The following TMEM132D variants were observed in gnomAD, a reference collection of about 807,000 sequenced individuals.
The protein encoded by TMEM132D is transmembrane protein 132D, also known as mature OL transmembrane protein.
In TMEM132D, 21 loss-of-function variants were observed where a neutral mutation model predicts 62.3. The ratio of observed to expected loss-of-function variants is 0.34; its 90% CI spans 0.24 to 0.49. The LOEUF (loss-of-function observed/expected upper bound fraction) is 0.49, where lower values mean the gene tolerates loss of function less well. TMEM132D is among the 20% of genes least tolerant of loss of function. The pLI, the probability that TMEM132D is intolerant of heterozygous loss-of-function variation, is 0.99. For synonymous variants in TMEM132D, 621 were observed against 575.6 expected (o/e 1.08, Z -1.13); for missense variants, 1,346 against 1,402.8 (o/e 0.96, Z 0.65).
rs749348679 is a variant in TMEM132D, at chr12:129,903,570, G to A, written c.-231C>T. On this transcript the variant is annotated 5_prime_UTR_variant, in exon 1 of 9. Transcript: ENST00000422113. This position sits in a 1 kb window ranked among gnomAD's most constrained non-coding sequence, Gnocchi z 6.2. ...TCTCCGGAGTCCAACACGCGCGCAG[G>A]CAAACCCCACCTCCCTCCTTCGACC... The A allele has an allele frequency of 5.3e-6, 3 of 561,916 alleles. No homozygotes were observed. Among genetic ancestry groups the A allele is most frequent in the Non-Finnish European group, 9.5e-6 (3 of 315,824 alleles). The allele number at this position is 561,916 out of a possible 1,614,324, so 34.8% of individuals were successfully genotyped here.
chr12:129,086,497 T>C (rs1874626201), intron 5 of TMEM132D, among the ~76,000 whole-genome samples: 3 of 152,082 alleles, frequency 2.0e-5, no homozygotes, highest in South Asian at 4.1e-4. Context: ...GAATAAGTGG[T>C]GTTTGACTTT....
At chr12:129,112,240 AT>A in intron 5 of TMEM132D, among the ~76,000 whole-genome samples, 1 of 152,320 alleles carries the variant, frequency 6.6e-6, no homozygotes, top group African/African-American at 2.4e-5. Context: ...TCTGGGGTGA[AT>A]GTATGAAAAG....
At chr12:129,815,272 C>T (rs1872311527) in intron 1 of TMEM132D, among the ~76,000 whole-genome samples, 1 of 152,088 alleles carries the variant, frequency 6.6e-6, no homozygotes, top group Non-Finnish European at 1.5e-5. Context: ...AGAAAAAAAT[C>T]CAGAATGCAT....
intron 5 of TMEM132D, among the ~76,000 whole-genome samples, chr12:129,134,413 T>C (rs1205779901): frequency 6.6e-6 from 1 of 152,186 alleles, no homozygotes; most frequent in Non-Finnish European, 1.5e-5. Flanking sequence ...TGTTGTCCCC[T>C]GCTCACTTTG....
chr12:129,166,955 C>G (rs112704351), intron 5 of TMEM132D, among the ~76,000 whole-genome samples: 2 of 151,784 alleles, frequency 1.3e-5, no homozygotes, highest in Admixed American at 1.3e-4. Flanking sequence ...CTTGAGGTCA[C>G]GAGTTCGAGA....
At position 129,277,859 on chromosome 12, in the gene TMEM132D, T is replaced by C. The variant is rs918310149; in HGVS notation, c.1299+59775A>G. ...AGGATGGATCCTTAGGCTTAAGAAC[T>C]CCCTGGTTCATCTCACGGCGTCTTT... On this transcript the variant is annotated intron_variant, in intron 4 of 8. Coordinates refer to ENST00000422113, the MANE Select transcript of TMEM132D (RefSeq NM_133448.3). The surrounding 1 kb of genome is among the most constrained non-coding windows in gnomAD (Gnocchi z 4.2). 3.9e-5 allele frequency among the ~76,000 whole-genome samples: 6 copies of C among 152,132 alleles called. No homozygotes were observed. The South Asian group carries it at 1.0e-3, about 26-fold the overall frequency.
At chr12:129,699,382 A>G (rs561523712) in intron 2 of TMEM132D, among the ~76,000 whole-genome samples, 1 of 152,342 alleles carries the variant, frequency 6.6e-6, no homozygotes, top group African/African-American at 2.4e-5. Context: ...TATCTGGAAT[A>G]GATTTTGAGT....
At chr12:129,664,962 C>G (rs1340328793) in intron 2 of TMEM132D, among the ~76,000 whole-genome samples, 1 of 152,066 alleles carries the variant, frequency 6.6e-6, no homozygotes, top group Non-Finnish European at 1.5e-5. Flanking sequence ...TGCTATTATC[C>G]CTATTATGTG....
chr12:129,786,137 C>T (rs1280566734), intron 1 of TMEM132D, among the ~76,000 whole-genome samples: 2 of 152,186 alleles, frequency 1.3e-5, no homozygotes, highest in African/African-American at 4.8e-5. Flanking sequence ...ATGTCCACCA[C>T]TCCCTCTTCC....
chr12:129,800,736 T>C (rs1871743930), intron 1 of TMEM132D, among the ~76,000 whole-genome samples: 1 of 151,810 alleles, frequency 6.6e-6, no homozygotes, highest in Non-Finnish European at 1.5e-5. Flanking sequence ...TAGGAACAGC[T>C]CCGGTCTACA....
chr12:129,815,327 C>A (rs1471748564), intron 1 of TMEM132D, among the ~76,000 whole-genome samples: 1 of 152,206 alleles, frequency 6.6e-6, no homozygotes, highest in Non-Finnish European at 1.5e-5. Flanking sequence ...ACATGTGACT[C>A]TTCCAGGCAT....
At chr12:129,378,181 C>T (rs899789624) in intron 3 of TMEM132D, among the ~76,000 whole-genome samples, 1 of 152,218 alleles carries the variant, frequency 6.6e-6, no homozygotes, top group African/African-American at 2.4e-5. Flanking sequence ...CAATTAGGTG[C>T]CCTGCACCTG....
At chr12:129,755,359 C>A (rs7302151) in intron 1 of TMEM132D, among the ~76,000 whole-genome samples, 1 of 151,950 alleles carries the variant, frequency 6.6e-6, no homozygotes, top group African/African-American at 2.4e-5. Context: ...TCTATTTTTA[C>A]GAAAAGTGTG....
intron 1 of TMEM132D, among the ~76,000 whole-genome samples, chr12:129,774,046 G>C (rs974836501): frequency 1.3e-5 from 2 of 152,132 alleles, no homozygotes; most frequent in African/African-American, 4.8e-5. Context: ...GGAAACCATG[G>C]TGAACCAAAA....
intron 4 of TMEM132D, among the ~76,000 whole-genome samples, chr12:129,305,894 C>T (rs916029994): frequency 2.6e-5 from 4 of 152,074 alleles, no homozygotes; most frequent in Non-Finnish European, 4.4e-5. Flanking sequence ...ATTGTAGATA[C>T]AAAGCAGAGA....
intron 4 of TMEM132D, among the ~76,000 whole-genome samples, chr12:129,293,862 C>T (rs1026516203): frequency 7.9e-5 from 12 of 152,216 alleles, no homozygotes; most frequent in African/African-American, 1.7e-4. Flanking sequence ...CTGTGTGGCC[C>T]GGTTCCTAAC....
intron 1 of TMEM132D, among the ~76,000 whole-genome samples, chr12:129,832,727 G>A (rs1408522765): frequency 6.6e-6 from 1 of 152,078 alleles, no homozygotes; most frequent in African/African-American, 2.4e-5. Context: ...GTTCCATTCC[G>A]CCCGTCACTG....
At chr12:129,397,695 C>A (rs1459278299) in intron 3 of TMEM132D, among the ~76,000 whole-genome samples, 1 of 152,174 alleles carries the variant, frequency 6.6e-6, no homozygotes, top group East Asian at 1.9e-4. Context: ...GAATGATTTT[C>A]ACAAATAATT....
intron 1 of TMEM132D, among the ~76,000 whole-genome samples, chr12:129,729,609 A>C (rs1176911624): frequency 6.6e-6 from 1 of 152,004 alleles, no homozygotes; most frequent in Non-Finnish European, 1.5e-5. Context: ...ACTCCTAGTC[A>C]TACTTCAAAA....
Sources: allele counts gnomAD v4.1 joint callset (sites outside exome capture counted in the v4.1 genomes callset), GRCh38; gene constraint gnomAD v4.1.1; non-coding constraint Gnocchi (gnomAD v3.1); transcripts MANE v1.5; gene names NCBI Gene and HGNC (gene_info 2026-07-23, HGNC 2026-07-21).